The following RGL1 variants were observed in gnomAD, a reference collection of about 807,000 sequenced individuals.
RGL1 encodes the protein ral guanine nucleotide dissociation stimulator like 1.
A neutral mutation model predicts 95.2 loss-of-function variants in RGL1; 24 were observed. That is an observed-to-expected ratio of 0.25 (90% CI 0.18 to 0.35). The LOEUF (loss-of-function observed/expected upper bound fraction) is 0.35. Among genes scored for constraint, RGL1 ranks in the 10% least tolerant of loss-of-function variants. RGL1 has a pLI of 1.00. For synonymous variants in RGL1, 329 were observed against 344.9 expected (o/e 0.95, Z 0.51); for missense variants, 715 against 936.3 (o/e 0.76, Z 3.08).
chr1:183,832,205 C>T lies in RGL1; in HGVS notation c.139-15361C>T, dbSNP rs139699514. ...GCTGAGGAATGAGAATGAAGTGGGACGATATAGGAGATGGAAGAGGTTGGA... is the reference window on the plus strand; with the variant it reads ...GCTGAGGAATGAGAATGAAGTGGGATGATATAGGAGATGGAAGAGGTTGGA... On this transcript the variant is annotated intron_variant, in intron 2 of 17. Coordinates refer to ENST00000360851, the MANE Select transcript of RGL1 (RefSeq NM_001297671.3). Among the ~76,000 whole-genome samples the T allele has an allele frequency of 9.8e-4, 148 of 151,714 alleles. 1 individual carries two copies. In the East Asian group the frequency reaches 0.021, roughly 22 times the overall value.
intron 14 of RGL1, 118 bp downstream of exon 14, chr1:183,907,219 T>C: frequency 1.5e-6 from 1 of 661,672 alleles, no homozygotes; most frequent in Non-Finnish European, 2.7e-6. Context: ...TCCGCTCATT[T>C]GTTAAGCCGT....
chr1:183,836,874 A>G (rs1663697937), intron 2 of RGL1, among the ~76,000 whole-genome samples: 1 of 152,178 alleles, frequency 6.6e-6, no homozygotes, highest in African/African-American at 2.4e-5. Context: ...ATCAAACTAA[A>G]CAACGTCATT....
At chr1:183,816,232 C>T (rs1167957149) in intron 2 of RGL1, among the ~76,000 whole-genome samples, 1 of 152,154 alleles carries the variant, frequency 6.6e-6, no homozygotes, top group African/African-American at 2.4e-5. Flanking sequence ...TATTACTTAA[C>T]AGTGGGCCAT....
intron 13 of RGL1, among the ~76,000 whole-genome samples, chr1:183,906,577 A>T (rs781654743): frequency 9.9e-5 from 15 of 152,206 alleles, no homozygotes; most frequent in Non-Finnish European, 2.2e-4. Flanking sequence ...TTTAGATAAA[A>T]CTAAGTCATT....
intron 1 of RGL1, among the ~76,000 whole-genome samples, chr1:183,684,896 G>A (rs1279878092): frequency 6.6e-6 from 1 of 152,116 alleles, no homozygotes; most frequent in Non-Finnish European, 1.5e-5. Context: ...ACCCTGCTTC[G>A]GCTCACCCTC....
chr1:183,653,960 C>A (rs915339382), intron 1 of RGL1, among the ~76,000 whole-genome samples: 8 of 152,190 alleles, frequency 5.3e-5, no homozygotes, highest in African/African-American at 1.9e-4. Context: ...CTGGATTATT[C>A]CCTCATTCCC....
At chr1:183,806,695 A>T (rs1661369400) in intron 2 of RGL1, among the ~76,000 whole-genome samples, 1 of 152,158 alleles carries the variant, frequency 6.6e-6, no homozygotes, top group South Asian at 2.1e-4. Context: ...TTTGTCAATA[A>T]TTCAGAACCT....
intron 3 of RGL1, among the ~76,000 whole-genome samples, chr1:183,862,171 G>T (rs1012167176): frequency 6.6e-6 from 1 of 151,970 alleles, no homozygotes; most frequent in African/African-American, 2.4e-5. Flanking sequence ...GTGAGATCTC[G>T]TCTCTACAAA....
chr1:183,864,719 A>C (rs1367856351), intron 3 of RGL1, among the ~76,000 whole-genome samples: 1 of 152,198 alleles, frequency 6.6e-6, no homozygotes, highest in Admixed American at 6.5e-5. Flanking sequence ...GACCAGTGGA[A>C]AATATCTTTG....
chr1:183,899,846 G>C (rs958350517), intron 10 of RGL1, among the ~76,000 whole-genome samples: 7 of 152,226 alleles, frequency 4.6e-5, no homozygotes, highest in African/African-American at 1.7e-4. Flanking sequence ...TGCTCTGAAA[G>C]AGAACAGACA....
intron 2 of RGL1, among the ~76,000 whole-genome samples, chr1:183,793,669 G>T (rs1005374153): frequency 1.3e-5 from 2 of 149,538 alleles, no homozygotes; most frequent in East Asian, 3.9e-4. Flanking sequence ...ACAGGTATAT[G>T]AAAAAAAAAT....
At chr1:183,912,594 G>A (rs954373673) in intron 15 of RGL1, among the ~76,000 whole-genome samples, 2 of 152,196 alleles carry the variant, frequency 1.3e-5, no homozygotes, top group African/African-American at 4.8e-5. Context: ...GGTTCTTGGT[G>A]CCATGTTTTG....
Position 183,900,135 on chromosome 1 carries a change from T to A in RGL1, c.1231-15T>A. 6.2e-7 allele frequency: 1 copy of A among 1,608,490 alleles called. No individual in the cohort carries two copies. Among genetic ancestry groups the A allele is most frequent in the South Asian group, 1.1e-5 (1 of 90,778 alleles). ...CAATGACAATAAAGACAGTTTTGCT[T>A]TGGATGCTCTTCAGGGTGTGATGCA... is the stretch of plus-strand genomic sequence containing the variant. On this transcript the variant is annotated splice_polypyrimidine_tract_variant and intron_variant, in intron 10 of 17. Transcript: ENST00000360851.
chr1:183,655,616 A>C (rs945066001), intron 1 of RGL1, among the ~76,000 whole-genome samples: 1 of 152,210 alleles, frequency 6.6e-6, no homozygotes, highest in Non-Finnish European at 1.5e-5. Flanking sequence ...GGAGACGAAA[A>C]AGCAGAGGGT....
chr1:183,683,565 T>C (rs1398212621), intron 1 of RGL1, among the ~76,000 whole-genome samples: 1 of 152,230 alleles, frequency 6.6e-6, no homozygotes, highest in East Asian at 1.9e-4. Flanking sequence ...CCTTTGTGGG[T>C]AACCCGACCT....
At chr1:183,712,093 A>G (rs1415915193) in intron 1 of RGL1, among the ~76,000 whole-genome samples, 1 of 152,254 alleles carries the variant, frequency 6.6e-6, no homozygotes. Flanking sequence ...AAAAATAATT[A>G]CTAAGAGACC....
chr1:183,860,802 CTT>C (rs1347590083), intron 3 of RGL1, among the ~76,000 whole-genome samples: 1 of 152,178 alleles, frequency 6.6e-6, no homozygotes, highest in Non-Finnish European at 1.5e-5. Flanking sequence ...AAAACAGAGA[CTT>C]TGGTTTGTTT....
chr1:183,640,450 A>G (rs910897068), intron 1 of RGL1, among the ~76,000 whole-genome samples: 1 of 152,202 alleles, frequency 6.6e-6, no homozygotes, highest in African/African-American at 2.4e-5. Context: ...GGTATCTGCA[A>G]CTTTCATAAA....
At chr1:183,708,020 T>A (rs1199758062) in intron 1 of RGL1, among the ~76,000 whole-genome samples, 1 of 152,180 alleles carries the variant, frequency 6.6e-6, no homozygotes, top group Non-Finnish European at 1.5e-5. Flanking sequence ...TTTCTCCAGT[T>A]GTCGGCAATA....
Sources: allele counts gnomAD v4.1 joint callset (sites outside exome capture counted in the v4.1 genomes callset), GRCh38; gene constraint gnomAD v4.1.1; transcripts MANE v1.5; gene names NCBI Gene and HGNC (gene_info 2026-07-23, HGNC 2026-07-21).